The following SCAPER variants were observed in gnomAD, a reference collection of about 807,000 sequenced individuals.
SCAPER encodes S phase cyclin A-associated protein in the endoplasmic reticulum.
A neutral mutation model predicts 182.2 loss-of-function variants in SCAPER; 98 were observed. The observed-to-expected ratio is 0.54, with a 90% confidence interval of 0.46 to 0.64. The LOEUF (loss-of-function observed/expected upper bound fraction) is 0.64. Ranked by LOEUF, SCAPER falls within the 30% of genes least tolerant of loss-of-function variation. The probability of loss-of-function intolerance (pLI) is 0.00; values close to 1 mark genes in which losing one functional copy is unlikely to be tolerated. For missense variants in SCAPER, 1,432 were observed against 1,690.0 expected (o/e 0.85, Z 2.68); for synonymous variants, 605 against 564.6 (o/e 1.07, Z -1.01).
rs544455840 is a variant in SCAPER at position 76,795,260 on chromosome 15, G to A, written c.772+20C>T. The A allele has an allele frequency of 6.3e-7, 1 of 1,599,158 alleles. No homozygotes were observed. The highest frequency in any genetic ancestry group is 8.5e-7 in the Non-Finnish European group (1 of 1,171,672). On this transcript the variant is annotated intron_variant, in intron 8 of 31. Transcript: ENST00000563290. ...ATCCACCTGTTTACTACACAAAATG[G>A]CTAATTCGAAGTCACTTGCCATTTT...
Position 76,845,017 on chromosome 15 carries a change from G to A in SCAPER, c.196-3086C>T, listed in dbSNP as rs114100890. 8.1e-3 allele frequency among the ~76,000 whole-genome samples: 1,231 copies of A among 152,156 alleles called. 13 individuals are homozygous for A. Among genetic ancestry groups the A allele is most frequent in the African/African-American group, 0.028 (1,167 of 41,520 alleles). ...AACATTTTCAACATTACATTAAAAA[G>A]ATCATTCATCATGACCAAGTGTGAC... On this transcript the variant is annotated intron_variant, in intron 4 of 31. Coordinates refer to ENST00000563290, the MANE Select transcript of SCAPER (RefSeq NM_020843.4).
chr15:76,850,859 C>CAAA (rs59202490), intron 4 of SCAPER, among the ~76,000 whole-genome samples: 2 of 90,040 alleles, frequency 2.2e-5, no homozygotes, highest in African/African-American at 4.0e-5. Context: ...GACTCTGTCT[C>CAAA]AAAAAAAAAA....
At chr15:76,855,457 CAAAAAAAAA>C (rs34226154) in intron 4 of SCAPER, among the ~76,000 whole-genome samples, 7 of 116,320 alleles carry the variant, frequency 6.0e-5, no homozygotes, top group Admixed American at 8.5e-5. Flanking sequence ...TTCTGCACAG[CAAAAAAAAA>C]AAAAAAAAAA....
At chr15:76,407,742 A>C (rs2044967204) in intron 26 of SCAPER, among the ~76,000 whole-genome samples, 1 of 152,172 alleles carries the variant, frequency 6.6e-6, no homozygotes, top group Admixed American at 6.5e-5. Context: ...TCATTCAATG[A>C]CTATTTAGGC....
chr15:76,457,293 G>A (rs1250785881), intron 25 of SCAPER, among the ~76,000 whole-genome samples: 2 of 152,252 alleles, frequency 1.3e-5, no homozygotes, highest in South Asian at 2.1e-4. Flanking sequence ...TCGATCTCCT[G>A]ACCTTGTGAT....
At chr15:76,712,344 T>C (rs979517954) in intron 17 of SCAPER, among the ~76,000 whole-genome samples, 18 of 152,330 alleles carry the variant, frequency 1.2e-4, no homozygotes, top group African/African-American at 4.3e-4. Context: ...ATCATAGCCT[T>C]GTAGTATAGT....
At chr15:76,536,963 C>G (rs897982542) in intron 23 of SCAPER, among the ~76,000 whole-genome samples, 3 of 151,928 alleles carry the variant, frequency 2.0e-5, no homozygotes, top group African/African-American at 7.3e-5. Context: ...AACTCCCATT[C>G]ACAACTGCTT....
chr15:76,883,265 T>C (rs1479901187), intron 2 of SCAPER, among the ~76,000 whole-genome samples: 1 of 152,136 alleles, frequency 6.6e-6, no homozygotes, highest in Non-Finnish European at 1.5e-5. Flanking sequence ...ACTCCATGTA[T>C]ACCTCCATTC....
Position 76,440,907 on chromosome 15 carries a change from G to GTTTTTTTTTTTTTT in SCAPER, c.3079-6598_3079-6597insAAAAAAAAAAAAAA, listed in dbSNP as rs1225009824. 5.2e-4 allele frequency among the ~76,000 whole-genome samples: 43 copies of GTTTTTTTTTTTTTT among 82,850 alleles called. 9 individuals are homozygous for GTTTTTTTTTTTTTT. Among genetic ancestry groups the GTTTTTTTTTTTTTT allele is most frequent in the African/African-American group, 1.6e-3 (37 of 22,874 alleles). 54.4% of individuals were successfully genotyped at this position (82,850 alleles called of 152,430 possible). Reference sequence around the variant, plus strand: ...ATCTTTTAAAATTATTCCCCTTCTGGTTTTTTTTTTGTTTTTTTTTTTTTT... The same window carrying GTTTTTTTTTTTTTT: ...ATCTTTTAAAATTATTCCCCTTCTGGTTTTTTTTTTTTTTTTTTTTTTTTGTTTTTTTTTTTTTT... On this transcript the variant is annotated intron_variant, in intron 25 of 31. Coordinates refer to ENST00000563290, the MANE Select transcript of SCAPER (RefSeq NM_020843.4).
intron 4 of SCAPER, among the ~76,000 whole-genome samples, chr15:76,849,357 G>A (rs1398320328): frequency 6.6e-6 from 1 of 152,128 alleles, no homozygotes; most frequent in Non-Finnish European, 1.5e-5. Context: ...CCACGCCTTC[G>A]ACAAACTGCA....
At chr15:76,759,956 G>A (rs1326889753) in intron 14 of SCAPER, among the ~76,000 whole-genome samples, 1 of 152,162 alleles carries the variant, frequency 6.6e-6, no homozygotes, top group Non-Finnish European at 1.5e-5. Flanking sequence ...TTTGGAATCA[G>A]AGTGATGCTG....
At chr15:76,368,773 C>A (rs764840133) in intron 29 of SCAPER, among the ~76,000 whole-genome samples, 2 of 152,094 alleles carry the variant, frequency 1.3e-5, no homozygotes, top group African/African-American at 2.4e-5. Flanking sequence ...AAAATGAGTA[C>A]GCAAAGGTGC....
chr15:76,811,788 C>CA (rs2066643389), intron 5 of SCAPER, among the ~76,000 whole-genome samples: 2 of 141,448 alleles, frequency 1.4e-5, no homozygotes, highest in South Asian at 4.4e-4. Flanking sequence ...AACTCTGCCT[C>CA]AAAAAATAAA....
Position 76,354,173 on chromosome 15 carries a change from G to GA in SCAPER, c.3856-34dup. 2 of 1,582,336 alleles carry GA rather than the reference G, an allele frequency of 1.3e-6. No individual in the cohort carries two copies. Among genetic ancestry groups the GA allele is most frequent in the Non-Finnish European group, 1.7e-6 (2 of 1,169,040 alleles). On this transcript the variant is annotated intron_variant, in intron 29 of 31. Transcript: ENST00000563290. This position sits in a 1 kb window ranked among gnomAD's most constrained non-coding sequence, Gnocchi z 4.4. ...GGAAGAGCAGCCCAGGTCAGCTGCC[G>GA]AAACGCCCCAGCCTGTCCCTCACCC...
At chr15:76,650,771 G>C (rs1413339699) in intron 21 of SCAPER, among the ~76,000 whole-genome samples, 1 of 151,994 alleles carries the variant, frequency 6.6e-6, no homozygotes, top group Non-Finnish European at 1.5e-5. Flanking sequence ...CAGTTGCTGA[G>C]AAATACAACA....
At chr15:76,842,491 C>G (rs2069577039) in intron 4 of SCAPER, among the ~76,000 whole-genome samples, 1 of 152,164 alleles carries the variant, frequency 6.6e-6, no homozygotes. Context: ...GCCTTGGTTC[C>G]TCTTCGCCTT....
chr15:76,731,590 T>C (rs540018853), intron 16 of SCAPER, among the ~76,000 whole-genome samples: 109 of 152,354 alleles, frequency 7.2e-4, no homozygotes, highest in Non-Finnish European at 3.4e-4. Flanking sequence ...TACAGAATAC[T>C]TGGCACTAGT....
At chr15:76,611,536 G>A (rs1482642706) in intron 22 of SCAPER, among the ~76,000 whole-genome samples, 2 of 152,092 alleles carry the variant, frequency 1.3e-5, no homozygotes, top group Admixed American at 6.6e-5. Context: ...TGCAACTATT[G>A]CAAAAAATTG....
intron 27 of SCAPER, among the ~76,000 whole-genome samples, chr15:76,395,166 A>G (rs1395526815): frequency 9.2e-5 from 14 of 152,222 alleles, no homozygotes; most frequent in Admixed American, 8.5e-4. Flanking sequence ...ATGTTGTTGC[A>G]AATGAGAGGA....
Sources: gnomAD v4.1 joint callset for allele counts (sites outside exome capture counted in the v4.1 genomes callset) on GRCh38, gnomAD v4.1.1 for gene constraint, Gnocchi (gnomAD v3.1) non-coding constraint, MANE v1.5 for transcripts, NCBI Gene and HGNC (gene_info 2026-07-23, HGNC 2026-07-21) for gene names.